Variants in CENPC observed in about 807,000 individuals in gnomAD.
CENPC encodes centromere protein C.
CENPC carries 63 observed loss-of-function variants against 112.1 expected under a neutral mutation model. The ratio of observed to expected loss-of-function variants is 0.56; its 90% CI spans 0.46 to 0.69. The LOEUF is 0.69. Ranked by LOEUF, CENPC falls within the 30% of genes least tolerant of loss-of-function variation. CENPC has a pLI of 0.00. For synonymous variants in CENPC, 333 were observed against 367.6 expected, an observed-to-expected ratio of 0.91 and a Z score of 1.08; for missense variants, 1,000 against 1,103.8, an observed-to-expected ratio of 0.91 and a Z score of 1.33.
chr4:67,512,707 G>C, intron 8 of CENPC, 138 bp from the exon 9 acceptor site: 1 of 595,350 alleles, frequency 1.7e-6, no homozygotes. Flanking sequence ...ATTTTTAAAA[G>C]TCACATGTTC....
rs1470205655 is a variant in CENPC at position 67,504,059 on chromosome 4, A to G, written c.2131+1146T>C. 2.0e-5 allele frequency among the ~76,000 whole-genome samples: 3 copies of G among 148,560 alleles called. No homozygotes were observed. The East Asian group carries it at 6.2e-4, about 31-fold the overall frequency. On this transcript the variant is annotated intron_variant, in intron 12 of 18. Transcript: ENST00000273853. ...ACTGAAATTTCTTACTCAAGATAATATAGTGATGCTTCCCGATCAGTGGTG... is the reference window on the plus strand; with the variant it reads ...ACTGAAATTTCTTACTCAAGATAATGTAGTGATGCTTCCCGATCAGTGGTG...
chr4:67,488,854 G>A (rs1725159949), intron 17 of CENPC, among the ~76,000 whole-genome samples: 1 of 151,922 alleles, frequency 6.6e-6, no homozygotes, highest in Non-Finnish European at 1.5e-5. Flanking sequence ...CTATACTGAT[G>A]TAGTAATAAT....
intron 17 of CENPC, among the ~76,000 whole-genome samples, chr4:67,482,186 A>G (rs1444365027): frequency 2.6e-5 from 4 of 152,204 alleles, no homozygotes; most frequent in African/African-American, 9.6e-5. Context: ...ATAACTAATG[A>G]TAAGGAAAAT....
At chr4:67,531,841 A>G (rs1478248290) in intron 4 of CENPC, among the ~76,000 whole-genome samples, 2 of 152,180 alleles carry the variant, frequency 1.3e-5, no homozygotes, top group Non-Finnish European at 2.9e-5. Context: ...TATAATAAGT[A>G]TCAGTCATGA....
At chr4:67,480,687 C>CA (rs1724932393) in intron 17 of CENPC, among the ~76,000 whole-genome samples, 1 of 152,032 alleles carries the variant, frequency 6.6e-6, no homozygotes, top group Non-Finnish European at 1.5e-5. Flanking sequence ...GAATTAAAAC[C>CA]AAAAAATCAC....
chr4:67,475,390 A>G (rs553335686), intron 17 of CENPC, among the ~76,000 whole-genome samples: 7 of 152,338 alleles, frequency 4.6e-5, no homozygotes, highest in African/African-American at 1.4e-4. Context: ...AGGAAATGGG[A>G]ACCTCAGTCC....
At chr4:67,531,933 T>G (rs189579) in intron 4 of CENPC, among the ~76,000 whole-genome samples, 95,857 of 151,990 alleles carry the variant, frequency 0.63, 30,475 homozygotes, top group East Asian at 0.81. Flanking sequence ...CACAGCAAAA[T>G]AAACTACCAT....
intron 6 of CENPC, among the ~76,000 whole-genome samples, chr4:67,518,623 A>G (rs1404769688): frequency 1.3e-5 from 2 of 152,250 alleles, no homozygotes; most frequent in Non-Finnish European, 2.9e-5. Context: ...TGAAATGTAT[A>G]GCTAGGCAAT....
At chr4:67,504,717 G>C (rs1413265266) in intron 12 of CENPC, among the ~76,000 whole-genome samples, 1 of 152,060 alleles carries the variant, frequency 6.6e-6, no homozygotes, top group Non-Finnish European at 1.5e-5. Context: ...AGCTACTCAG[G>C]AGTCTAAGGC....
At chr4:67,507,078 A>T in intron 10 of CENPC, 144 bp from the exon 11 acceptor site, 1 of 556,040 alleles carries the variant, frequency 1.8e-6, no homozygotes, top group East Asian at 3.2e-5. Flanking sequence ...TGAGACTTGC[A>T]ACTAGCTAAG....
chr4:67,512,292 T>C (rs1186970773), intron 9 of CENPC, 110 bp downstream of exon 9: 3 of 751,742 alleles, frequency 4.0e-6, no homozygotes, highest in Non-Finnish European at 6.3e-6. Context: ...ATGACCCAAT[T>C]TAACTTGGTC....
At chr4:67,517,353 G>C (rs1726086634) in intron 7 of CENPC, among the ~76,000 whole-genome samples, 2 of 151,284 alleles carry the variant, frequency 1.3e-5, no homozygotes, top group Admixed American at 6.6e-5. Flanking sequence ...GTAGAGATGG[G>C]GTTTCACCAT....
At chr4:67,538,767 C>A (rs1242659025) in intron 4 of CENPC, among the ~76,000 whole-genome samples, 3 of 152,182 alleles carry the variant, frequency 2.0e-5, no homozygotes, top group Admixed American at 1.3e-4. Flanking sequence ...TTACAAAGGA[C>A]CTAGAATAAT....
intron 12 of CENPC, among the ~76,000 whole-genome samples, 193 bp from the exon 13 acceptor site, chr4:67,495,405 T>C (rs1406830212): frequency 6.6e-6 from 1 of 152,252 alleles, no homozygotes; most frequent in Admixed American, 6.5e-5. Context: ...TAGACTTTGC[T>C]ACAATGAATA....
rs377468185 is a variant in CENPC at position 67,469,119 on chromosome 4, T to C, written c.*3486A>G. The C allele has an allele frequency of 9.3e-4, 141 of 152,270 alleles. No individual in the cohort carries two copies. Among genetic ancestry groups the C allele is most frequent in the African/African-American group, 3.2e-3 (133 of 41,554 alleles). The allele number at this position is 152,270 out of a possible 1,614,324, so 9.4% of individuals were successfully genotyped here. A position where few individuals can be genotyped will look rare whatever the true frequency, so the allele number is the denominator to read the frequency against. Reference sequence around the variant, plus strand: ...GTAGTTACATAGATGTAAGTAACCATTGGAAGAAATTAAAGACACATGCAT... The same window carrying C: ...GTAGTTACATAGATGTAAGTAACCACTGGAAGAAATTAAAGACACATGCAT... On this transcript the variant is annotated 3_prime_UTR_variant, in exon 19 of 19. Transcript: ENST00000273853.
chr4:67,512,997 C>T (rs901577023), intron 8 of CENPC, among the ~76,000 whole-genome samples: 11 of 152,034 alleles, frequency 7.2e-5, no homozygotes. Context: ...CTTGGATCAT[C>T]CAGGTTGACC....
At chr4:67,508,595 C>A (rs1034998160) in intron 10 of CENPC, among the ~76,000 whole-genome samples, 2 of 149,240 alleles carry the variant, frequency 1.3e-5, no homozygotes, top group African/African-American at 4.9e-5. Context: ...ATTCCAGGTG[C>A]TATGTACTAT....
intron 2 of CENPC, among the ~76,000 whole-genome samples, chr4:67,542,284 G>A (rs1419378158): frequency 6.6e-6 from 1 of 152,164 alleles, no homozygotes; most frequent in African/African-American, 2.4e-5. Context: ...GCATGGCTGT[G>A]TTCCAATAAA....
intron 5 of CENPC, among the ~76,000 whole-genome samples, chr4:67,529,315 G>GATTTATTT (rs546410899): frequency 6.6e-6 from 1 of 151,852 alleles, no homozygotes; most frequent in African/African-American, 2.4e-5. Flanking sequence ...GTGTCCTTCA[G>GATTTATTT]ATTTATTTAT....
Sources: gnomAD v4.1 joint callset for allele counts (sites outside exome capture counted in the v4.1 genomes callset) on GRCh38, gnomAD v4.1.1 for gene constraint, MANE v1.5 for transcripts, NCBI Gene and HGNC (gene_info 2026-07-23, HGNC 2026-07-21) for gene names.